PSG1: variants seen among roughly 807,000 people sequenced by gnomAD.
The protein encoded by PSG1 is pregnancy-specific beta-1-glycoprotein 1.
Under a neutral mutation model 41.4 loss-of-function variants are expected in PSG1, and 60 were observed. The observed-to-expected ratio is 1.45, with a 90% CI of 1.18 to 1.80. The LOEUF (loss-of-function observed/expected upper bound fraction) is 1.80. Among genes scored for constraint, PSG1 ranks in the 40% most tolerant of loss-of-function variants. The probability of loss-of-function intolerance (pLI) is 0.00; values close to 1 mark genes in which losing one functional copy is unlikely to be tolerated. For missense variants in PSG1, 806 were observed against 516.9 expected (o/e 1.56, Z -5.42); for synonymous variants, 256 against 192.9 (o/e 1.33, Z -2.71).
chr19:42,871,418 G>C (rs938327634), intron 3 of PSG1, among the ~76,000 whole-genome samples: 4 of 151,546 alleles, frequency 2.6e-5, no homozygotes, highest in African/African-American at 7.3e-5. Context: ...GGAAAATCCT[G>C]GTCTGTGGAA....
chr19:42,867,639 A>G, intron 5 of PSG1: 2 of 740,888 alleles, frequency 2.7e-6, no homozygotes, highest in Non-Finnish European at 2.5e-6. Flanking sequence ...CCATAAACAT[A>G]TCAATTCTCA....
chr19:42,869,179 A>G, intron 3 of PSG1, 145 bp from the exon 4 acceptor site: 3 of 1,487,238 alleles, frequency 2.0e-6, no homozygotes, highest in Non-Finnish European at 2.7e-6. Context: ...CACAAGATAG[A>G]TGCATGATGA....
intron 2 of PSG1, chr19:42,874,199 T>C (rs923176500): frequency 4.0e-5 from 6 of 151,706 alleles, no homozygotes; most frequent in African/African-American, 9.7e-5. Flanking sequence ...TGAAGTTGAA[T>C]ATGTTGTTCC....
chr19:42,871,237 A>G (rs1483159475), intron 3 of PSG1, among the ~76,000 whole-genome samples: 1 of 151,590 alleles, frequency 6.6e-6, no homozygotes, highest in Non-Finnish European at 1.5e-5. Context: ...GATTGCTGGA[A>G]CTTCCCAGCA....
intron 2 of PSG1, among the ~76,000 whole-genome samples, chr19:42,874,461 C>A (rs1195442785): frequency 1.3e-5 from 2 of 151,648 alleles, no homozygotes; most frequent in Non-Finnish European, 2.9e-5. Context: ...ATTCTCCTGC[C>A]TTGGCCTCCC....
chr19:42,868,815 C>G lies in PSG1; in HGVS notation c.929G>C (p.Cys310Ser). The G allele has an allele frequency of 6.2e-7, 1 of 1,611,914 alleles. No homozygotes were observed. Among genetic ancestry groups the G allele is most frequent in the Non-Finnish European group, 8.5e-7 (1 of 1,179,070 alleles). The change falls in exon 4 of 6, where the codon TGT (cysteine) becomes TCT (serine). Residue 310 changes from cysteine to serine, a missense_variant. Coordinates refer to ENST00000436291, the MANE Select transcript of PSG1 (RefSeq NM_001184825.2). ...GCCACCATATCGGTCCCGTATTTCACATTGATAGGGTCCTGTTTCATTTCT... is the reference window on the plus strand; with the variant it reads ...GCCACCATATCGGTCCCGTATTTCAGATTGATAGGGTCCTGTTTCATTTCT... ...VTRNETGPYQCEIRDRYGGIR... is the reference protein window; with the variant it reads ...VTRNETGPYQSEIRDRYGGIR...
Position 42,868,851 on chromosome 19 carries a change from G to T in PSG1, c.893C>A (p.Pro298His). Residue 298 changes from proline (P) to histidine (H), a missense_variant, in exon 4 of 6, where the codon CCC (proline) becomes CAC (histidine). Coordinates refer to ENST00000436291, the MANE Select transcript of PSG1 (RefSeq NM_001184825.2). ...TCCTGTTTCATTTCTCGTGACACTG[G>T]GTAGAATGAGGATCCTGTTTTCAAT... ...RPIENRILIL[P>H]SVTRNETGPY... is the part of the protein sequence containing the mutation. 24 of 1,611,144 alleles carry T rather than the reference G, an allele frequency of 1.5e-5. 2 individuals carry two copies. Among genetic ancestry groups the T allele is most frequent in the Non-Finnish European group, 2.0e-5 (24 of 1,179,068 alleles).
At chr19:42,874,615 A>G (rs1437622592) in intron 2 of PSG1, among the ~76,000 whole-genome samples, 2 of 151,944 alleles carry the variant, frequency 1.3e-5, no homozygotes, top group African/African-American at 4.8e-5. Context: ...TGCTGGGATT[A>G]TAGGCGTGAG....
Position 42,874,632 on chromosome 19 carries a change from T to A in PSG1, c.431-2587A>T, listed in dbSNP as rs547045627. On this transcript the variant is annotated intron_variant, in intron 2 of 5. Coordinates refer to ENST00000436291, the MANE Select transcript of PSG1 (RefSeq NM_001184825.2). ...CTGGGATTATAGGCGTGAGCCACTG[T>A]GCGCAGCCGTCTCTGAGGGAGTTTA... is the stretch of plus-strand genomic sequence containing the variant. Among the ~76,000 whole-genome samples, 58 of 151,844 alleles carry A rather than the reference T, an allele frequency of 3.8e-4. 2 individuals are homozygous for A. The highest frequency in any genetic ancestry group is 7.7e-4 in the Non-Finnish European group (52 of 67,948).
intron 5 of PSG1, chr19:42,867,423 A>G (rs1375700563): frequency 1.7e-6 from 1 of 576,924 alleles, no homozygotes; most frequent in East Asian, 2.9e-5. Context: ...AAGGAATCTG[A>G]GATTAAATCT....
At chr19:42,871,127 G>C (rs1248551046) in intron 3 of PSG1, among the ~76,000 whole-genome samples, 1 of 151,620 alleles carries the variant, frequency 6.6e-6, no homozygotes, top group Non-Finnish European at 1.5e-5. Flanking sequence ...TGATCCTCTT[G>C]ATTATGAGAT....
Position 42,869,581 on chromosome 19 carries a change from G to T in PSG1, c.710-547C>A, listed in dbSNP as rs183304185. On this transcript the variant is annotated intron_variant, in intron 3 of 5. Coordinates refer to ENST00000436291, the MANE Select transcript of PSG1 (RefSeq NM_001184825.2). ...TAACACAGGGGAGACCAGAATCAAG[G>T]CTGGAGGTCAGTTCAGTCATCAGGC... The T allele has an allele frequency of 4.2e-3, 676 of 161,522 alleles. 12 individuals carry two copies. Among genetic ancestry groups the T allele is most frequent in the African/African-American group, 0.016 (646 of 41,460 alleles). The allele number at this position is 161,522 out of a possible 1,614,324, so 10.0% of individuals were successfully genotyped here.
chr19:42,875,763 C>G (rs1212426158), intron 2 of PSG1, among the ~76,000 whole-genome samples: 1 of 151,116 alleles, frequency 6.6e-6, no homozygotes, highest in Non-Finnish European at 1.5e-5. Context: ...GACTTGGAGT[C>G]ATTAAAATCT....
rs531248062 is a variant in PSG1 at position 42,873,256 on chromosome 19, G to A, written c.431-1211C>T. 9.1e-4 allele frequency among the ~76,000 whole-genome samples: 138 copies of A among 151,572 alleles called. 1 individual carries two copies. Among genetic ancestry groups the A allele is most frequent in the African/African-American group, 3.0e-3 (123 of 41,316 alleles). ...GGATGTCTAATTATTTTTTTATTTT[G>A]GAATATTTGCAGTACATGTACTGGT... On this transcript the variant is annotated intron_variant, in intron 2 of 5. Coordinates refer to ENST00000436291, the MANE Select transcript of PSG1 (RefSeq NM_001184825.2).
chr19:42,876,222 AGCAGAGAGAG>A (rs1485810048), intron 2 of PSG1, among the ~76,000 whole-genome samples: 1 of 151,444 alleles, frequency 6.6e-6, no homozygotes, highest in Non-Finnish European at 1.5e-5. Flanking sequence ...GACACAGAGA[AGCAGAGAGAG>A]GCAGATACAC....
intron 3 of PSG1, among the ~76,000 whole-genome samples, chr19:42,871,450 T>A (rs1568419514): frequency 6.6e-6 from 1 of 151,704 alleles, no homozygotes; most frequent in South Asian, 2.1e-4. Context: ...ACAGTGACCC[T>A]GTGAGCCAAG....
At chr19:42,868,585 G>A (rs1971239794) in intron 4 of PSG1, among the ~76,000 whole-genome samples, 171 bp downstream of exon 4, 1 of 151,376 alleles carries the variant, frequency 6.6e-6, no homozygotes, top group African/African-American at 2.4e-5. Flanking sequence ...TTATATTCTT[G>A]GTTAAGGCTG....
At position 42,879,662 on chromosome 19, in the gene PSG1, C is replaced by G. The variant is rs1663604883; in HGVS notation, c.-81G>C. On this transcript the variant is annotated 5_prime_UTR_variant, in exon 1 of 6. Transcript: ENST00000436291. ...TCTCTGAGCACGGCTGTCAGCTGTG[C>G]TGTCCTTCCTCTTTCTGTGCTGAGC... 1.9e-6 allele frequency: 3 copies of G among 1,567,232 alleles called. No homozygotes were observed. The highest frequency in any genetic ancestry group is 2.6e-6 in the Non-Finnish European group (3 of 1,148,446).
In PSG1 at chr19:42,878,209, A is replaced by C. The variant is rs769872414; in HGVS notation, c.134T>G (p.Val45Gly). The change falls in exon 2 of 6, where the codon GTT becomes GGT. Residue 45 changes from valine to glycine, a missense_variant. Val to Gly is a moderately radical substitution (Grantham distance 109). Transcript: ENST00000436291. The part of the protein sequence containing the change: ...QVTIEAEPTK[V>G]SEGKDVLLLV... ...TAGAAGAACATCCTTCCCCTCGGAAACTTTGGTTGGCTCGGCTTCAATCGT... is the reference window on the plus strand; with the variant it reads ...TAGAAGAACATCCTTCCCCTCGGAACCTTTGGTTGGCTCGGCTTCAATCGT... 6.2e-7 allele frequency: 1 copy of C among 1,611,714 alleles called. No individual in the cohort carries two copies. The highest frequency in any genetic ancestry group is 1.1e-5 in the South Asian group (1 of 90,656).
Sources: gnomAD v4.1 joint callset for allele counts (sites outside exome capture counted in the v4.1 genomes callset) on GRCh38, gnomAD v4.1.1 for gene constraint, MANE v1.5 for transcripts, NCBI Gene and HGNC (gene_info 2026-07-23, HGNC 2026-07-21) for gene names.